DNAH9: variants seen among roughly 807,000 people sequenced by gnomAD.
DNAH9 encodes the protein DNAH9 variant protein.
In DNAH9, 345 loss-of-function variants were observed where a neutral mutation model predicts 471.6. The ratio of observed to expected loss-of-function variants is 0.73; its 90% CI spans 0.67 to 0.80. The LOEUF (loss-of-function observed/expected upper bound fraction) is 0.80. Among genes scored for constraint, DNAH9 ranks in the 30% least tolerant of loss-of-function variants. DNAH9 has a pLI of 0.00. For missense variants in DNAH9, 5,407 were observed against 5,609.2 expected (o/e 0.96, Z 1.15); for synonymous variants, 2,093 against 2,123.6 (o/e 0.99, Z 0.40).
At chr17:11,761,097 G>A (rs553975385) in intron 35 of DNAH9, among the ~76,000 whole-genome samples, 2 of 152,220 alleles carry the variant, frequency 1.3e-5, no homozygotes, top group Non-Finnish European at 2.9e-5. Flanking sequence ...ACCATTGTAT[G>A]TGACTAGTTC....
At chr17:11,759,398 C>T (rs1967554537) in intron 35 of DNAH9, among the ~76,000 whole-genome samples, 1 of 151,502 alleles carries the variant, frequency 6.6e-6, no homozygotes, top group Non-Finnish European at 1.5e-5. Flanking sequence ...ATTTTGCGGT[C>T]ATTTTGCTAA....
intron 7 of DNAH9, among the ~76,000 whole-genome samples, chr17:11,632,305 G>A (rs989710541): frequency 2.6e-5 from 4 of 152,116 alleles, no homozygotes; most frequent in African/African-American, 4.8e-5. Context: ...GAGAGAGAAG[G>A]GGCTTCAGGA....
Position 11,894,414 on chromosome 17 carries a change from A to T in DNAH9, c.11324A>T (p.Asp3775Val). ...MNREVNAVEL[D>V]FLLRSPVQTG... ...CGAGAAGTCAATGCAGTGGAGTTGG[A>T]TTTCCTGCTTCGATCTCCAGTGCAG... Residue 3775 changes from aspartate to valine, a missense_variant, in exon 59 of 69, where the codon GAT becomes GTT. Coordinates refer to ENST00000262442, the MANE Select transcript of DNAH9 (RefSeq NM_001372.4). 1 of 1,614,018 alleles carries T rather than the reference A, an allele frequency of 6.2e-7. No individual in the cohort carries two copies. The highest frequency in any genetic ancestry group is 1.3e-5 in the African/African-American group (1 of 75,008).
intron 18 of DNAH9, among the ~76,000 whole-genome samples, chr17:11,680,367 G>A (rs2074113804): frequency 6.6e-6 from 1 of 152,184 alleles, no homozygotes; most frequent in South Asian, 2.1e-4. Flanking sequence ...AGCTTCAGTA[G>A]AAATATGGTA....
At chr17:11,798,303 C>T (rs1325811179) in intron 43 of DNAH9, among the ~76,000 whole-genome samples, 2 of 151,330 alleles carry the variant, frequency 1.3e-5, no homozygotes, top group East Asian at 3.9e-4. Flanking sequence ...CGTGGTGGCA[C>T]GTGCCTATCA....
intron 11 of DNAH9, 129 bp downstream of exon 11, chr17:11,644,828 G>A (rs2073349978): frequency 6.1e-6 from 4 of 659,624 alleles, no homozygotes; most frequent in South Asian, 5.7e-5. Context: ...TTATAACCAC[G>A]ATATTTGTGA....
chr17:11,778,367 A>AG (rs1968539977), intron 38 of DNAH9, among the ~76,000 whole-genome samples: 4 of 145,976 alleles, frequency 2.7e-5, no homozygotes, highest in Admixed American at 6.9e-5. Flanking sequence ...AAAAAAGAAA[A>AG]GGGAAGAAAA....
intron 49 of DNAH9, among the ~76,000 whole-genome samples, chr17:11,850,212 A>G (rs1268373111): frequency 6.6e-6 from 1 of 152,134 alleles, no homozygotes; most frequent in Non-Finnish European, 1.5e-5. Flanking sequence ...TAGGAAGGAG[A>G]CGTCTGAGAA....
chr17:11,645,578 A>C (rs1426933245), intron 11 of DNAH9, among the ~76,000 whole-genome samples: 5 of 152,110 alleles, frequency 3.3e-5, no homozygotes, highest in African/African-American at 9.7e-5. Context: ...CATGACATGA[A>C]AAGTCTTCCT....
At chr17:11,791,576 T>C (rs1162181110) in intron 41 of DNAH9, among the ~76,000 whole-genome samples, 1 of 151,896 alleles carries the variant, frequency 6.6e-6, no homozygotes, top group Non-Finnish European at 1.5e-5. Flanking sequence ...TTGGGTGTGG[T>C]GGTGCGTGCC....
At chr17:11,891,654 C>T (rs946332186) in intron 57 of DNAH9, 123 bp from the exon 58 acceptor site, 28 of 1,185,768 alleles carry the variant, frequency 2.4e-5, no homozygotes, top group South Asian at 2.2e-4. Context: ...CATGAGCCAC[C>T]GTGCCTGGCC....
chr17:11,889,714 G>T (rs961658802), intron 57 of DNAH9, among the ~76,000 whole-genome samples: 1 of 152,242 alleles, frequency 6.6e-6, no homozygotes, highest in African/African-American at 2.4e-5. Flanking sequence ...TTGGGGAAAT[G>T]TAAGAAAGTG....
At chr17:11,622,543 C>T (rs967858700) in intron 6 of DNAH9, among the ~76,000 whole-genome samples, 2 of 152,150 alleles carry the variant, frequency 1.3e-5, no homozygotes, top group Admixed American at 6.5e-5. Context: ...ATTTCCATCA[C>T]TGCCTGGCAG....
intron 61 of DNAH9, among the ~76,000 whole-genome samples, chr17:11,923,286 A>G (rs1033297357): frequency 2.0e-5 from 3 of 151,792 alleles, no homozygotes; most frequent in Admixed American, 6.6e-5. Context: ...TATGTTGGCC[A>G]GGCTGGTCTT....
intron 22 of DNAH9, 121 bp from the exon 23 acceptor site, chr17:11,699,610 A>T (rs2074555323): frequency 2.4e-6 from 2 of 825,350 alleles, no homozygotes; most frequent in Non-Finnish European, 4.0e-6. Context: ...TTCCTTCTAA[A>T]TGCTTGGTAT....
chr17:11,610,994 G>T (rs200315205), intron 3 of DNAH9, among the ~76,000 whole-genome samples: 1 of 152,024 alleles, frequency 6.6e-6, no homozygotes, highest in Non-Finnish European at 1.5e-5. Context: ...CTCATCACTC[G>T]CAGGGCTGGA....
chr17:11,919,722 G>C (rs190377732), intron 61 of DNAH9, among the ~76,000 whole-genome samples: 5 of 152,076 alleles, frequency 3.3e-5, no homozygotes, highest in African/African-American at 1.2e-4. Context: ...TAGTAAGTGC[G>C]GAAGTAGAAG....
At chr17:11,825,945 G>A (rs528606734) in intron 48 of DNAH9, among the ~76,000 whole-genome samples, 2 of 152,222 alleles carry the variant, frequency 1.3e-5, no homozygotes, top group Non-Finnish European at 1.5e-5. Flanking sequence ...CATGGTGTCA[G>A]GTGCATGATG....
At chr17:11,785,024 T>C (rs1968813200) in intron 41 of DNAH9, among the ~76,000 whole-genome samples, 1 of 152,048 alleles carries the variant, frequency 6.6e-6, no homozygotes, top group Non-Finnish European at 1.5e-5. Context: ...TCTAAGAGGG[T>C]CTCAGTCCTA....
Sources: allele counts gnomAD v4.1 joint callset (sites outside exome capture counted in the v4.1 genomes callset), GRCh38; gene constraint gnomAD v4.1.1; transcripts MANE v1.5; gene names NCBI Gene and HGNC (gene_info 2026-07-23, HGNC 2026-07-21).